Variants in ADAMTS6 observed in about 807,000 individuals in gnomAD.
ADAMTS6 encodes the protein A disintegrin and metalloproteinase with thrombospondin motifs 6.
In ADAMTS6, 23 loss-of-function variants were observed where a neutral mutation model predicts 144.3. The observed-to-expected ratio is 0.16, with a 90% confidence interval of 0.11 to 0.23. The LOEUF (loss-of-function observed/expected upper bound fraction) is 0.23. Ranked by LOEUF, ADAMTS6 falls within the 10% of genes least tolerant of loss-of-function variation. The probability of loss-of-function intolerance (pLI) is 1.00; values close to 1 mark genes in which losing one functional copy is unlikely to be tolerated. For synonymous variants in ADAMTS6, 444 were observed against 457.5 expected (o/e 0.97, Z 0.38); for missense variants, 999 against 1,379.6 (o/e 0.72, Z 4.37).
intron 22 of ADAMTS6, among the ~76,000 whole-genome samples, chr5:65,186,435 T>TA (rs1426540310): frequency 6.6e-6 from 1 of 152,218 alleles, no homozygotes; most frequent in African/African-American, 2.4e-5. Flanking sequence ...CCTATCCCAG[T>TA]ATGTTTAGTA....
At chr5:65,374,253 G>C (rs923625596) in intron 7 of ADAMTS6, among the ~76,000 whole-genome samples, 61 of 152,082 alleles carry the variant, frequency 4.0e-4, no homozygotes, top group African/African-American at 1.4e-3. Context: ...TGGAAGTTCT[G>C]GCCAGGGCAA....
intron 14 of ADAMTS6, among the ~76,000 whole-genome samples, chr5:65,242,530 T>C (rs909025811): frequency 6.6e-6 from 1 of 152,080 alleles, no homozygotes; most frequent in Non-Finnish European, 1.5e-5. Flanking sequence ...GATGAAGAAA[T>C]TAAAACACAA....
At chr5:65,380,402 T>G (rs754552229) in intron 7 of ADAMTS6, among the ~76,000 whole-genome samples, 18 of 151,548 alleles carry the variant, frequency 1.2e-4, no homozygotes, top group Non-Finnish European at 1.6e-4. Flanking sequence ...CAAAACTCCA[T>G]CTCTACTAAA....
intron 14 of ADAMTS6, among the ~76,000 whole-genome samples, chr5:65,253,783 A>C (rs909656598): frequency 6.7e-6 from 1 of 148,768 alleles, no homozygotes; most frequent in African/African-American, 2.5e-5. Context: ...TAACTGGAAA[A>C]TACTAAAGTC....
intron 7 of ADAMTS6, among the ~76,000 whole-genome samples, chr5:65,366,247 G>A (rs188714006): frequency 4.0e-4 from 61 of 152,224 alleles, no homozygotes; most frequent in Non-Finnish European, 6.9e-4. Context: ...ATGCTTCAGA[G>A]AATCCTATAT....
intron 14 of ADAMTS6, among the ~76,000 whole-genome samples, chr5:65,243,455 ATAGTGGCAGCAGG>A (rs1172297880): frequency 5.9e-5 from 9 of 152,148 alleles, no homozygotes; most frequent in Admixed American, 5.9e-4. Context: ...GATTCTGAAA[ATAGTGGCAGCAGG>A]TTCACACTCT....
chr5:65,406,459 G>T (rs146978028), intron 7 of ADAMTS6, among the ~76,000 whole-genome samples: 3 of 152,070 alleles, frequency 2.0e-5, no homozygotes, highest in African/African-American at 7.2e-5. Flanking sequence ...TTATTGATTT[G>T]CGTATGTTAA....
chr5:65,410,342 A>G (rs1287434073), intron 7 of ADAMTS6, among the ~76,000 whole-genome samples: 3 of 152,216 alleles, frequency 2.0e-5, no homozygotes, highest in African/African-American at 7.2e-5. Context: ...TAACTCAATC[A>G]GTTGAATAAA....
At chr5:65,382,272 A>G (rs966568439) in intron 7 of ADAMTS6, among the ~76,000 whole-genome samples, 5 of 152,246 alleles carry the variant, frequency 3.3e-5, no homozygotes, top group Non-Finnish European at 4.4e-5. Flanking sequence ...CTTTGGATCC[A>G]CTGATTAAGA....
At chr5:65,300,654 C>T (rs775544337) in intron 9 of ADAMTS6, among the ~76,000 whole-genome samples, 10 of 150,658 alleles carry the variant, frequency 6.6e-5, no homozygotes, top group Admixed American at 6.6e-5. Context: ...TTTTTTGAGA[C>T]GCAGTCTTGC....
At chr5:65,373,662 C>T (rs1318205620) in intron 7 of ADAMTS6, among the ~76,000 whole-genome samples, 5 of 152,064 alleles carry the variant, frequency 3.3e-5, no homozygotes, top group African/African-American at 7.2e-5. Context: ...GATTCACAGC[C>T]GAATTCTACC....
intron 14 of ADAMTS6, among the ~76,000 whole-genome samples, chr5:65,247,775 C>A (rs1759760280): frequency 6.6e-6 from 1 of 152,162 alleles, no homozygotes; most frequent in Non-Finnish European, 1.5e-5. Flanking sequence ...GTCTTCTGTT[C>A]ATCTGCTTCC....
intron 20 of ADAMTS6, among the ~76,000 whole-genome samples, chr5:65,205,130 A>G (rs1436233864): frequency 6.6e-6 from 1 of 151,838 alleles, no homozygotes; most frequent in Non-Finnish European, 1.5e-5. Flanking sequence ...AAAAAAAAAC[A>G]ACAACTGGAC....
intron 22 of ADAMTS6, among the ~76,000 whole-genome samples, chr5:65,187,051 C>A (rs1235479443): frequency 1.3e-5 from 2 of 152,156 alleles, no homozygotes; most frequent in Admixed American, 6.5e-5. Context: ...ACAGGAAATA[C>A]CCAAAGCAAG....
chr5:65,222,031 T>C (rs946153281), intron 18 of ADAMTS6, among the ~76,000 whole-genome samples: 1 of 152,206 alleles, frequency 6.6e-6, no homozygotes, highest in African/African-American at 2.4e-5. Flanking sequence ...AAATTCAGTA[T>C]TTTTAAGATG....
intron 7 of ADAMTS6, among the ~76,000 whole-genome samples, chr5:65,399,933 G>A (rs2038721184): frequency 6.6e-6 from 1 of 152,006 alleles, no homozygotes; most frequent in African/African-American, 2.4e-5. Flanking sequence ...TTCTTGCAAG[G>A]CAGATCTATT....
chr5:65,169,596 T>C (rs1401687219), intron 24 of ADAMTS6, among the ~76,000 whole-genome samples: 2 of 146,974 alleles, frequency 1.4e-5, no homozygotes, highest in African/African-American at 2.6e-5. Context: ...CGTATGTTTA[T>C]TGCGGCATTA....
chr5:65,441,277 C>A (rs1394656483), intron 7 of ADAMTS6, among the ~76,000 whole-genome samples: 1 of 151,952 alleles, frequency 6.6e-6, no homozygotes, highest in Non-Finnish European at 1.5e-5. Context: ...ATAGAAACTA[C>A]CCAAAATTGA....
intron 15 of ADAMTS6, among the ~76,000 whole-genome samples, chr5:65,236,036 AT>A (rs1324044401): frequency 2.0e-5 from 3 of 152,196 alleles, no homozygotes; most frequent in Non-Finnish European, 4.4e-5. Context: ...TATGCACCTA[AT>A]AAAAAAGATT....
Sources: gnomAD v4.1 joint callset for allele counts (sites outside exome capture counted in the v4.1 genomes callset) on GRCh38, gnomAD v4.1.1 for gene constraint, MANE v1.5 for transcripts, NCBI Gene and HGNC (gene_info 2026-07-23, HGNC 2026-07-21) for gene names.